The following SLC30A8 variants were observed in gnomAD, a reference collection of about 807,000 sequenced individuals.
SLC30A8 encodes the protein solute carrier family 30 member 8, also known as proton-coupled zinc antiporter SLC30A8.
In SLC30A8, 27 loss-of-function variants were observed where a neutral mutation model predicts 36.9. The observed-to-expected ratio is 0.73, with a 90% CI of 0.54 to 1.01. The LOEUF is 1.01. Ranked by LOEUF, SLC30A8 falls within the 50% of genes least tolerant of loss-of-function variation. The probability of loss-of-function intolerance (pLI) is 0.00; values close to 1 mark genes in which losing one functional copy is unlikely to be tolerated. For missense variants in SLC30A8, 439 were observed against 452.0 expected (o/e 0.97, Z 0.26); for synonymous variants, 164 against 172.4 (o/e 0.95, Z 0.38).
At chr8:116,979,572 A>T (rs1278158007) in intron 1 of SLC30A8, among the ~76,000 whole-genome samples, 2 of 152,190 alleles carry the variant, frequency 1.3e-5, no homozygotes. Flanking sequence ...CCAAGTCTTG[A>T]AAATTTCTGG....
intron 1 of SLC30A8, among the ~76,000 whole-genome samples, chr8:117,013,967 A>ATC (rs1356999420): frequency 6.6e-6 from 1 of 152,174 alleles, no homozygotes; most frequent in African/African-American, 2.4e-5. Flanking sequence ...TTAATACAGA[A>ATC]TCTTTAACTT....
At chr8:117,032,577 TA>T (rs1817087616) in intron 1 of SLC30A8, among the ~76,000 whole-genome samples, 1 of 152,220 alleles carries the variant, frequency 6.6e-6, no homozygotes, top group Non-Finnish European at 1.5e-5. Context: ...TTTAAAATTC[TA>T]AAACTCTTTA....
chr8:117,100,791 T>G (rs2130856416), intron 2 of SLC30A8, among the ~76,000 whole-genome samples: 1 of 152,306 alleles, frequency 6.6e-6, no homozygotes. Context: ...TCATTTAGTC[T>G]TTTTTTCCTT....
intron 2 of SLC30A8, among the ~76,000 whole-genome samples, chr8:117,151,147 T>G (rs986881987): frequency 5.3e-5 from 8 of 152,160 alleles, no homozygotes; most frequent in Admixed American, 5.2e-4. Flanking sequence ...CTTTTATCTC[T>G]TCCTGAAAAC....
rs771487265 is a variant in SLC30A8, at chr8:116,990,288, A to G, written c.-266+39169A>G. 2.4e-4 allele frequency among the ~76,000 whole-genome samples: 36 copies of G among 152,094 alleles called. 1 individual carries two copies. Among genetic ancestry groups the G allele is most frequent in the Admixed American group, 1.2e-3 (19 of 15,274 alleles). ...CCAGTCTTACCTTTTCTCTTTGAAT[A>G]TGGCTTCTGAAGAATAGTGTTTAGA... On this transcript the variant is annotated intron_variant, in intron 1 of 10. Coordinates refer to the SLC30A8 transcript ENST00000427715.
chr8:117,000,195 A>G lies in SLC30A8; in HGVS notation c.-265-39024A>G, dbSNP rs143019639. ...TGGATAACAGTTCTTATTTCTTGAA[A>G]TCAGAACAGGCCTGAGAGTCAAGAC... On this transcript the variant is annotated intron_variant, in intron 1 of 10. Coordinates refer to the SLC30A8 transcript ENST00000427715. 2.8e-3 allele frequency among the ~76,000 whole-genome samples: 422 copies of G among 152,312 alleles called. 1 individual carries two copies. Among genetic ancestry groups the G allele is most frequent in the African/African-American group, 9.4e-3 (389 of 41,564 alleles).
chr8:117,156,333 G>A (rs1257478611), intron 3 of SLC30A8, among the ~76,000 whole-genome samples: 6 of 152,280 alleles, frequency 3.9e-5, no homozygotes, highest in East Asian at 1.9e-4. Flanking sequence ...ATGAGCCGCC[G>A]CACCCAGCCA....
At chr8:117,013,034 C>A (rs1816399248) in intron 1 of SLC30A8, among the ~76,000 whole-genome samples, 1 of 152,050 alleles carries the variant, frequency 6.6e-6, no homozygotes, top group Non-Finnish European at 1.5e-5. Flanking sequence ...GCTTTCTCTG[C>A]AACTATTAAT....
intron 2 of SLC30A8, among the ~76,000 whole-genome samples, chr8:117,072,987 CTG>C (rs1818378499): frequency 6.6e-6 from 1 of 152,162 alleles, no homozygotes; most frequent in African/African-American, 2.4e-5. Context: ...ATAAAATATA[CTG>C]TGTCTGACAT....
intron 6 of SLC30A8, among the ~76,000 whole-genome samples, chr8:117,168,881 A>G (rs902144242): frequency 2.6e-5 from 4 of 152,164 alleles, no homozygotes; most frequent in Non-Finnish European, 4.4e-5. Flanking sequence ...GGCCTTAGCA[A>G]TGTTCCTTAA....
chr8:117,064,930 C>A (rs779518120), intron 2 of SLC30A8, among the ~76,000 whole-genome samples: 7 of 152,152 alleles, frequency 4.6e-5, no homozygotes, highest in African/African-American at 1.7e-4. Flanking sequence ...TCGATTGAAG[C>A]GTTCCCTCTA....
Position 117,093,332 on chromosome 8 carries a change from G to C in SLC30A8, c.-225-41948G>C, listed in dbSNP as rs1235050519. The stretch of plus-strand genomic sequence containing the variant: ...AGATGGGGTTTGAAATGTCAACCAA[G>C]TAAGGTGAATGTGTACTCATTCTTA... On this transcript the variant is annotated intron_variant, in intron 2 of 10. Transcript: ENST00000427715. Among the ~76,000 whole-genome samples, 3 of 151,704 alleles carry C rather than the reference G, an allele frequency of 2.0e-5. No individual in the cohort carries two copies. The East Asian group carries it at 5.9e-4, about 30-fold the overall frequency.
intron 1 of SLC30A8, among the ~76,000 whole-genome samples, chr8:117,035,297 GGTATT>G (rs1817177580): frequency 6.6e-6 from 1 of 152,252 alleles, no homozygotes; most frequent in Non-Finnish European, 1.5e-5. Context: ...TAAGGGTACA[GGTATT>G]GTATAAATGC....
At chr8:117,113,408 C>T (rs904011345) in intron 2 of SLC30A8, among the ~76,000 whole-genome samples, 2 of 152,052 alleles carry the variant, frequency 1.3e-5, no homozygotes, top group African/African-American at 4.8e-5. Context: ...ATTATTTGCC[C>T]TTCCTCCCTC....
chr8:117,076,448 A>G (rs1465898509), intron 2 of SLC30A8, among the ~76,000 whole-genome samples: 3 of 152,294 alleles, frequency 2.0e-5, no homozygotes, highest in African/African-American at 7.2e-5. Context: ...TTTGAGAAAT[A>G]GTTACTCATC....
intron 2 of SLC30A8, among the ~76,000 whole-genome samples, chr8:117,084,757 C>A (rs1403274140): frequency 2.0e-5 from 3 of 152,128 alleles, no homozygotes; most frequent in African/African-American, 4.8e-5. Flanking sequence ...TAAAGACTTA[C>A]AACTAGTTTC....
At chr8:117,004,506 G>A (rs554028875) in intron 1 of SLC30A8, among the ~76,000 whole-genome samples, 3 of 151,968 alleles carry the variant, frequency 2.0e-5, no homozygotes, top group African/African-American at 7.2e-5. Context: ...GCTTTTGATG[G>A]CGTCAAGAGC....
intron 1 of SLC30A8, among the ~76,000 whole-genome samples, chr8:116,976,246 T>C (rs28634108): frequency 1.4e-5 from 2 of 147,168 alleles, no homozygotes; most frequent in African/African-American, 2.6e-5. Context: ...CTCTCTCTTT[T>C]TTTTTTTTTT....
At chr8:116,958,281 G>A (rs139995385) in intron 1 of SLC30A8, among the ~76,000 whole-genome samples, 3 of 151,706 alleles carry the variant, frequency 2.0e-5, no homozygotes, top group African/African-American at 7.3e-5. Context: ...GCATTGTTTT[G>A]TATAGACCCA....
Sources: gnomAD v4.1 joint callset for allele counts (sites outside exome capture counted in the v4.1 genomes callset) on GRCh38, gnomAD v4.1.1 for gene constraint, MANE v1.5 for transcripts, NCBI Gene and HGNC (gene_info 2026-07-23, HGNC 2026-07-21) for gene names.